Variants in TLN2 observed in about 807,000 individuals in gnomAD.
TLN2 encodes talin 2.
In TLN2, 118 loss-of-function variants were observed where a neutral mutation model predicts 294.7. The ratio of observed to expected loss-of-function variants is 0.40; its 90% CI spans 0.34 to 0.47. TLN2 has a LOEUF of 0.47. Among genes scored for constraint, TLN2 ranks in the 20% least tolerant of loss-of-function variants. The pLI is 0.84. For synonymous variants in TLN2, 1,431 were observed against 1,304.5 expected, an observed-to-expected ratio of 1.10 and a Z score of -2.09; for missense variants, 3,083 against 3,282.2, an observed-to-expected ratio of 0.94 and a Z score of 1.48.
At chr15:62,628,152 A>G (rs1037677273) in intron 3 of TLN2, among the ~76,000 whole-genome samples, 1 of 152,252 alleles carries the variant, frequency 6.6e-6, no homozygotes, top group African/African-American at 2.4e-5. Flanking sequence ...TTATTGCTCA[A>G]TTTAAATCTC....
intron 54 of TLN2, chr15:62,830,161 C>G (rs1373364176): frequency 2.0e-5 from 3 of 152,070 alleles, no homozygotes; most frequent in Admixed American, 6.5e-5. Flanking sequence ...AAGAATGAAA[C>G]ACCCAGAAGC....
chr15:62,680,514 G>C (rs1365921945), intron 11 of TLN2, among the ~76,000 whole-genome samples: 1 of 150,426 alleles, frequency 6.6e-6, no homozygotes, highest in Admixed American at 6.6e-5. Context: ...AAACCATTTA[G>C]AGTATATGAT....
At position 62,592,045 on chromosome 15, in the gene TLN2, T is replaced by C. The variant is rs148421009; in HGVS notation, c.-162+2283T>C. ...GGGTGGATTCTTAAGCCGTTATCTG[T>C]GGGAAATGGAAAACTGTGCTTTCTG... is the stretch of plus-strand genomic sequence containing the variant. On this transcript the variant is annotated intron_variant, in intron 2 of 58. Coordinates refer to ENST00000636159, the MANE Select transcript of TLN2 (RefSeq NM_015059.3). 5.7e-3 allele frequency among the ~76,000 whole-genome samples: 871 copies of C among 152,208 alleles called. 6 individuals carry two copies. The highest frequency in any genetic ancestry group is 8.5e-3 in the Non-Finnish European group (580 of 68,006).
chr15:62,703,359 C>G (rs1804505704), intron 19 of TLN2, among the ~76,000 whole-genome samples: 1 of 152,058 alleles, frequency 6.6e-6, no homozygotes, highest in African/African-American at 2.4e-5. Flanking sequence ...CTCGGCCTCC[C>G]AAAGTGCTGG....
In TLN2 at chr15:62,697,778, C is replaced by A. The variant is rs148665697; in HGVS notation, c.1383C>A (p.Ser461Arg). The A allele has an allele frequency of 1.9e-6, 3 of 1,612,634 alleles. No homozygotes were observed. Among genetic ancestry groups the A allele is most frequent in the Non-Finnish European group, 2.5e-6 (3 of 1,179,570 alleles). Residue 461 changes from serine (S) to arginine (R), a missense_variant, in exon 15 of 59, where the codon AGC becomes AGA. Ser to Arg is a moderately radical substitution (Grantham distance 110). Transcript: ENST00000636159. ...ALPAVMRSGS[S>R]GPETFNVGSM... is the part of the protein sequence containing the mutation. ...CGGCCGTGATGCGCTCGGGCTCCAG[C>A]GGGCCTGAGACCTTCAACGTTGGCA...
chr15:62,800,319 C>T (rs2065841141), intron 48 of TLN2, 49 bp from the exon 49 acceptor site: 2 of 1,594,790 alleles, frequency 1.3e-6, no homozygotes, highest in Non-Finnish European at 1.7e-6. Context: ...GTAAAGCCCA[C>T]AGCTGACATC....
At chr15:62,665,872 C>T (rs2054569716) in intron 9 of TLN2, among the ~76,000 whole-genome samples, 1 of 152,174 alleles carries the variant, frequency 6.6e-6, no homozygotes, top group African/African-American at 2.4e-5. Context: ...CACCACCATC[C>T]TCCCACTAAA....
chr15:62,580,663 C>T (rs546632436), intron 1 of TLN2, among the ~76,000 whole-genome samples: 6 of 152,058 alleles, frequency 3.9e-5, no homozygotes, highest in South Asian at 4.2e-4. Context: ...TACCTATCTT[C>T]GCCTCCCAAA....
chr15:62,746,326 T>C (rs1432065375), intron 32 of TLN2, among the ~76,000 whole-genome samples: 1 of 152,156 alleles, frequency 6.6e-6, no homozygotes. Context: ...GGAGGTACTT[T>C]AAAAGCGCGC....
intron 57 of TLN2, 72 bp from the exon 58 acceptor site, chr15:62,838,784 C>A: frequency 6.4e-7 from 1 of 1,574,550 alleles, no homozygotes; most frequent in South Asian, 1.2e-5. Context: ...CAAACTGTAC[C>A]TTCATGTCTA....
At chr15:62,591,345 G>A (rs887672583) in intron 2 of TLN2, among the ~76,000 whole-genome samples, 3 of 152,076 alleles carry the variant, frequency 2.0e-5, no homozygotes, top group African/African-American at 7.2e-5. Flanking sequence ...GACTGCTGAG[G>A]GCTCTTCTGC....
rs757465717 is a variant in TLN2 at position 62,752,364 on chromosome 15, C to T, written c.4269C>T (p.Ala1423=). 13 of 1,614,100 alleles carry T rather than the reference C, an allele frequency of 8.1e-6. No individual in the cohort carries two copies. In the South Asian group the frequency reaches 1.2e-4, roughly 15 times the overall value. The part of the protein sequence containing the change: ...SQNAKTGDLP[A]FGECVGIASK... Reference sequence around the variant, plus strand: ...ATGCCAAGACCGGAGACCTCCCTGCCTTTGGGGAATGTGTGGGGATTGCAT... The same window carrying T: ...ATGCCAAGACCGGAGACCTCCCTGCTTTTGGGGAATGTGTGGGGATTGCAT... Residue 1423 remains alanine, a synonymous_variant, in exon 35 of 59, where the codon GCC becomes GCT. Coordinates refer to ENST00000636159, the MANE Select transcript of TLN2 (RefSeq NM_015059.3).
intron 1 of TLN2, among the ~76,000 whole-genome samples, chr15:62,517,405 T>G (rs1368503149): frequency 6.6e-6 from 1 of 152,220 alleles, no homozygotes; most frequent in Admixed American, 6.5e-5. Context: ...AGTTAAATCC[T>G]TATAGATACA....
intron 1 of TLN2, among the ~76,000 whole-genome samples, chr15:62,435,637 G>T (rs2035250131): frequency 6.6e-6 from 1 of 152,288 alleles, no homozygotes; most frequent in African/African-American, 2.4e-5. Flanking sequence ...TGCCTCCCGG[G>T]TTCGAGCAAC....
chr15:62,616,004 A>C (rs904269667), intron 2 of TLN2, among the ~76,000 whole-genome samples: 1 of 151,988 alleles, frequency 6.6e-6, no homozygotes, highest in Non-Finnish European at 1.5e-5. Context: ...AATTTTTACT[A>C]CTGTCCTCTA....
intron 11 of TLN2, among the ~76,000 whole-genome samples, chr15:62,675,943 CTGTTTAGT>C (rs1214983487): frequency 3.0e-4 from 46 of 152,304 alleles, no homozygotes; most frequent in African/African-American, 9.6e-4. Context: ...AAGTGATACG[CTGTTTAGT>C]TGTTTAACTA....
intron 1 of TLN2, among the ~76,000 whole-genome samples, chr15:62,454,982 G>A (rs2036383655): frequency 6.6e-6 from 1 of 152,174 alleles, no homozygotes; most frequent in African/African-American, 2.4e-5. Context: ...CCTCCCCCCG[G>A]GGGGCTGACA....
At chr15:62,693,766 C>T (rs763569452) in intron 13 of TLN2, among the ~76,000 whole-genome samples, 8 of 151,998 alleles carry the variant, frequency 5.3e-5, no homozygotes, top group Non-Finnish European at 8.8e-5. Flanking sequence ...AAAGTCTGTG[C>T]AATAAATACG....
intron 1 of TLN2, among the ~76,000 whole-genome samples, chr15:62,454,000 C>T (rs2140326051): frequency 6.6e-6 from 1 of 152,304 alleles, no homozygotes; most frequent in Admixed American, 6.5e-5. Flanking sequence ...TGGCTGACCC[C>T]TGGCCACCTG....
Sources: allele counts gnomAD v4.1 joint callset (sites outside exome capture counted in the v4.1 genomes callset), GRCh38; gene constraint gnomAD v4.1.1; transcripts MANE v1.5; gene names NCBI Gene and HGNC (gene_info 2026-07-23, HGNC 2026-07-21).